PPP2R2A: variants seen among roughly 807,000 people sequenced by gnomAD.
PPP2R2A encodes the protein protein phosphatase 2 regulatory subunit Balpha.
In PPP2R2A, 9 loss-of-function variants were observed where a neutral mutation model predicts 53.2. That is an observed-to-expected ratio of 0.17 (90% CI 0.10 to 0.30). The LOEUF (loss-of-function observed/expected upper bound fraction) is 0.30, where lower values mean the gene tolerates loss of function less well. Among genes scored for constraint, PPP2R2A ranks in the 10% least tolerant of loss-of-function variants. PPP2R2A has a pLI of 1.00. For missense variants in PPP2R2A, 235 were observed against 534.6 expected (o/e 0.44, Z 5.53); for synonymous variants, 169 against 174.2 (o/e 0.97, Z 0.23).
At chr8:26,333,523 GA>G (rs985440676) in intron 2 of PPP2R2A, 9 of 1,222,798 alleles carry the variant, frequency 7.4e-6, no homozygotes, top group African/African-American at 1.5e-5. Context: ...GTGGAATTAT[GA>G]AATCAAAGAG....
intron 3 of PPP2R2A, among the ~76,000 whole-genome samples, chr8:26,351,923 A>G (rs1477311046): frequency 6.6e-6 from 1 of 152,206 alleles, no homozygotes; most frequent in Non-Finnish European, 1.5e-5. Context: ...AAAGTATGTG[A>G]CATAGCTCAT....
chr8:26,301,407 A>C (rs1585323656), intron 2 of PPP2R2A, among the ~76,000 whole-genome samples: 1 of 145,088 alleles, frequency 6.9e-6, no homozygotes, highest in Non-Finnish European at 1.5e-5. Context: ...ATCATGGCTC[A>C]CTGCAGCCTC....
intron 2 of PPP2R2A, among the ~76,000 whole-genome samples, chr8:26,315,646 G>A (rs936967774): frequency 1.3e-5 from 2 of 152,108 alleles, no homozygotes; most frequent in African/African-American, 2.4e-5. Context: ...AGCCCTGCAA[G>A]GTACCTGGTG....
At position 26,338,381 on chromosome 8, in the gene PPP2R2A, C is replaced by T. The variant is rs543800370; in HGVS notation, c.83-509C>T. 1.3e-5 allele frequency among the ~76,000 whole-genome samples: 2 copies of T among 152,138 alleles called. No individual in the cohort carries two copies. Among genetic ancestry groups the T allele is most frequent in the Non-Finnish European group, 2.9e-5 (2 of 68,020 alleles). On this transcript the variant is annotated intron_variant, in intron 2 of 9. Transcript: ENST00000380737. This position sits in a 1 kb window ranked among gnomAD's most constrained non-coding sequence, Gnocchi z 4.5. ...ACGAAGCATTTCTGCTATAAAAAAG[C>T]GGGATCTATTTGCAAACACTTGTTT... is the stretch of plus-strand genomic sequence containing the variant.
chr8:26,330,672 C>T (rs1343317906), intron 2 of PPP2R2A, among the ~76,000 whole-genome samples: 1 of 152,144 alleles, frequency 6.6e-6, no homozygotes, highest in Non-Finnish European at 1.5e-5. Flanking sequence ...GTTTTTGGTC[C>T]GTGTCTGCTA....
intron 2 of PPP2R2A, among the ~76,000 whole-genome samples, chr8:26,301,968 AAACTT>A (rs997981686): frequency 3.3e-5 from 5 of 152,220 alleles, no homozygotes; most frequent in African/African-American, 1.2e-4. Context: ...GAAGCAGTGA[AAACTT>A]AATTTGATTA....
At chr8:26,344,567 A>T (rs1200308047) in intron 3 of PPP2R2A, among the ~76,000 whole-genome samples, 1 of 152,178 alleles carries the variant, frequency 6.6e-6, no homozygotes, top group Non-Finnish European at 1.5e-5. Context: ...ATGGACTAAG[A>T]GTTGAACAGC....
At position 26,364,158 on chromosome 8, in the gene PPP2R2A, A is replaced by G. The variant is rs137975960; in HGVS notation, c.972+268A>G. ...TGACATTGTTTTTTTTTCTGCCACT[A>G]TGTACATTTAAAGTGAGGATGGAAG... On this transcript the variant is annotated intron_variant, in intron 8 of 9. Coordinates refer to ENST00000380737, the MANE Select transcript of PPP2R2A (RefSeq NM_002717.4). Among the ~76,000 whole-genome samples, 1,118 of 151,914 alleles carry G rather than the reference A, an allele frequency of 7.4e-3. 8 individuals carry two copies. Among genetic ancestry groups the G allele is most frequent in the Admixed American group, 0.011 (174 of 15,258 alleles).
intron 9 of PPP2R2A, among the ~76,000 whole-genome samples, chr8:26,368,626 C>A (rs555176154): frequency 1.3e-4 from 20 of 152,134 alleles, no homozygotes; most frequent in Non-Finnish European, 2.5e-4. Context: ...CATAGCAAGA[C>A]CCTGTCTCTA....
At chr8:26,336,594 C>T (rs962857329) in intron 2 of PPP2R2A, among the ~76,000 whole-genome samples, 6 of 152,096 alleles carry the variant, frequency 3.9e-5, no homozygotes, top group African/African-American at 1.4e-4. Context: ...AGAAATTGAG[C>T]CCGGCTGGGT....
intron 2 of PPP2R2A, among the ~76,000 whole-genome samples, chr8:26,337,607 C>T (rs766026220): frequency 8.5e-5 from 13 of 152,166 alleles, no homozygotes; most frequent in Non-Finnish European, 1.6e-4. Flanking sequence ...TATGTACTAG[C>T]CCAGTATATT....
chr8:26,338,243 A>G lies in PPP2R2A; in HGVS notation c.83-647A>G, dbSNP rs549563590. 5.3e-5 allele frequency among the ~76,000 whole-genome samples: 8 copies of G among 152,336 alleles called. No individual in the cohort carries two copies. The South Asian group carries it at 1.7e-3, about 32-fold the overall frequency. Reference sequence around the variant, plus strand: ...AAAAAAAACTTGACAGTTTTCTTTGATCATGACTGTGAAGTCAGCACTGAG... The same window carrying G: ...AAAAAAAACTTGACAGTTTTCTTTGGTCATGACTGTGAAGTCAGCACTGAG... On this transcript the variant is annotated intron_variant, in intron 2 of 9. Coordinates refer to ENST00000380737, the MANE Select transcript of PPP2R2A (RefSeq NM_002717.4). This position sits in a 1 kb window ranked among gnomAD's most constrained non-coding sequence, Gnocchi z 4.5.
chr8:26,320,093 C>G (rs893469573), intron 2 of PPP2R2A, among the ~76,000 whole-genome samples: 3 of 152,178 alleles, frequency 2.0e-5, no homozygotes, highest in Non-Finnish European at 4.4e-5. Flanking sequence ...AACACCTCAC[C>G]TGGAAATCTG....
At chr8:26,333,481 T>C (rs991095510) in intron 2 of PPP2R2A, 2 of 1,219,668 alleles carry the variant, frequency 1.6e-6, no homozygotes, top group Non-Finnish European at 2.1e-6. Flanking sequence ...ATTAATTTCT[T>C]TCAGATCACT....
At chr8:26,316,608 T>TTA (rs1283027744) in intron 2 of PPP2R2A, among the ~76,000 whole-genome samples, 1 of 152,222 alleles carries the variant, frequency 6.6e-6, no homozygotes, top group East Asian at 1.9e-4. Context: ...AACAGAATAG[T>TTA]ACAGACTGGG....
intron 2 of PPP2R2A, among the ~76,000 whole-genome samples, chr8:26,314,941 G>A (rs914555759): frequency 2.1e-5 from 3 of 143,898 alleles, no homozygotes; most frequent in African/African-American, 5.3e-5. Context: ...ACATTCTGGG[G>A]GAGTTCCTCA....
At chr8:26,314,482 C>G (rs188833163) in intron 2 of PPP2R2A, among the ~76,000 whole-genome samples, 48 of 152,068 alleles carry the variant, frequency 3.2e-4, no homozygotes, top group African/African-American at 1.2e-3. Flanking sequence ...TTGTTTTATG[C>G]TATTATTTTG....
chr8:26,292,174 G>GC lies in PPP2R2A; in HGVS notation c.7+354dup, dbSNP rs1193027247. On this transcript the variant is annotated intron_variant, in intron 1 of 9. Coordinates refer to ENST00000380737, the MANE Select transcript of PPP2R2A (RefSeq NM_002717.4). Reference sequence around the variant, plus strand: ...GGATCTTCTCCCACCTCCCCACCTTGCCCCCCGCCTTTATTTTTTTTTCCT... The same window carrying GC: ...GGATCTTCTCCCACCTCCCCACCTTGCCCCCCCGCCTTTATTTTTTTTTCCT... 1.3e-4 allele frequency: 154 copies of GC among 1,174,310 alleles called. 1 individual carries two copies. In the African/African-American group the frequency reaches 2.3e-3, roughly 17 times the overall value. The allele number at this position is 1,174,310 out of a possible 1,614,324, so 72.7% of individuals were successfully genotyped here.
In PPP2R2A at chr8:26,360,158, T is replaced by C; in HGVS notation, c.347-11T>C. The C allele has an allele frequency of 6.8e-7, 1 of 1,481,180 alleles. No homozygotes were observed. The highest frequency in any genetic ancestry group is 1.2e-5 in the South Asian group (1 of 85,636). 91.8% of individuals were successfully genotyped at this position (1,481,180 alleles called of 1,614,324 possible). On this transcript the variant is annotated splice_polypyrimidine_tract_variant and intron_variant, in intron 4 of 9. Coordinates refer to ENST00000380737, the MANE Select transcript of PPP2R2A (RefSeq NM_002717.4). The surrounding 1 kb of genome is among the most constrained non-coding windows in gnomAD (Gnocchi z 4.5). ...CAGTATTTTAAGGACTTTTCTTTAT[T>C]TTCTTCCCAGATAAAACAATAAAAT...
Sources: allele counts gnomAD v4.1 joint callset (sites outside exome capture counted in the v4.1 genomes callset), GRCh38; gene constraint gnomAD v4.1.1; non-coding constraint Gnocchi (gnomAD v3.1); transcripts MANE v1.5; gene names NCBI Gene and HGNC (gene_info 2026-07-23, HGNC 2026-07-21).